FMN2: variants seen among roughly 807,000 people sequenced by gnomAD.
The protein encoded by FMN2 is formin 2.
FMN2 carries 51 observed loss-of-function variants against 142.3 expected under a neutral mutation model. The observed-to-expected ratio is 0.36, with a 90% CI of 0.29 to 0.45. FMN2 has a LOEUF of 0.45. FMN2 is among the 20% of genes least tolerant of loss of function. FMN2 has a pLI of 1.00. For missense variants in FMN2, 1,936 were observed against 2,122.8 expected, an observed-to-expected ratio of 0.91 and a Z score of 1.73; for synonymous variants, 882 against 869.8, an observed-to-expected ratio of 1.01 and a Z score of -0.25.
chr1:240,201,231 A>C (rs1472776012), intron 4 of FMN2, among the ~76,000 whole-genome samples: 1 of 152,200 alleles, frequency 6.6e-6, no homozygotes, highest in Non-Finnish European at 1.5e-5. Flanking sequence ...AACACAGACC[A>C]TCTGTTATTA....
intron 8 of FMN2, among the ~76,000 whole-genome samples, chr1:240,315,022 T>G (rs1174981776): frequency 6.6e-6 from 1 of 152,236 alleles, no homozygotes; most frequent in African/African-American, 2.4e-5. Context: ...GTAATTTTCC[T>G]TGATGGCAGG....
chr1:240,155,330 G>A (rs1663977615), intron 2 of FMN2, among the ~76,000 whole-genome samples: 1 of 152,196 alleles, frequency 6.6e-6, no homozygotes, highest in Non-Finnish European at 1.5e-5. Context: ...CCAGGCTGGA[G>A]TACAGTGGTG....
intron 2 of FMN2, among the ~76,000 whole-genome samples, chr1:240,159,933 T>TATATC (rs1664201654): frequency 1.5e-5 from 1 of 68,786 alleles, no homozygotes; most frequent in Admixed American, 1.5e-4. Context: ...ATATATATAT[T>TATATC]TGTGTATATA....
At chr1:240,413,120 C>CAAAAAAAAAAA (rs35590068) in intron 15 of FMN2, among the ~76,000 whole-genome samples, 20 of 24,580 alleles carry the variant, frequency 8.1e-4, no homozygotes, top group South Asian at 5.7e-3. Context: ...GAGACTCTGT[C>CAAAAAAAAAAA]AAAAAAAAAA....
intron 4 of FMN2, among the ~76,000 whole-genome samples, chr1:240,197,088 T>C (rs1665941162): frequency 6.6e-6 from 1 of 152,120 alleles, no homozygotes; most frequent in Non-Finnish European, 1.5e-5. Flanking sequence ...AGCATAGTAA[T>C]AGGGTTGGGA....
In FMN2 at chr1:240,207,550, C is replaced by A. The variant is rs770059527; in HGVS notation, c.2738C>A (p.Pro913His). The change falls in exon 5 of 18, where the codon CCT becomes CAT. Residue 913 changes from proline to histidine, a missense_variant. Coordinates refer to ENST00000319653, the MANE Select transcript of FMN2 (RefSeq NM_020066.5). ...ACAGAAATGCTGCCACCCCCTCCCCCTCCTCTTCCCGGAGCGGGCATACCT... is the reference window on the plus strand; with the variant it reads ...ACAGAAATGCTGCCACCCCCTCCCCATCCTCTTCCCGGAGCGGGCATACCT... ...QGTEMLPPPPPPLPGAGIPPP... is the reference protein window; with the variant it reads ...QGTEMLPPPPHPLPGAGIPPP... The A allele has an allele frequency of 4.3e-5, 70 of 1,612,788 alleles. 1 individual carries two copies. In the South Asian group the frequency reaches 6.5e-4, roughly 15 times the overall value.
intron 15 of FMN2, among the ~76,000 whole-genome samples, chr1:240,405,987 A>G (rs1444278524): frequency 2.6e-4 from 37 of 143,622 alleles, no homozygotes; most frequent in African/African-American, 6.5e-4. Context: ...GGAGTGGGGG[A>G]AGCGAAGGGA....
At chr1:240,205,456 CTTTTTTTTTTTTTT>C (rs36115091) in intron 4 of FMN2, among the ~76,000 whole-genome samples, 1 of 97,476 alleles carries the variant, frequency 1.0e-5, no homozygotes, top group African/African-American at 4.3e-5. Context: ...ATGCTCTTTC[CTTTTTTTTTTTTTT>C]TTTTTTTTTG....
chr1:240,435,335 A>G (rs1486865616), intron 15 of FMN2, among the ~76,000 whole-genome samples: 1 of 152,006 alleles, frequency 6.6e-6, no homozygotes, highest in African/African-American at 2.4e-5. Context: ...ATTATTGAAT[A>G]ATCAGAATAA....
rs533269757 is a variant in FMN2, at chr1:240,455,313, G to C, written c.5061-17059G>C. Reference sequence around the variant, plus strand: ...TAGTTACTTCAGGCTAGGAGTTCCAGACCAGCCTAGAAAACATCGCAAGAT... The same window carrying C: ...TAGTTACTTCAGGCTAGGAGTTCCACACCAGCCTAGAAAACATCGCAAGAT... On this transcript the variant is annotated intron_variant, in intron 16 of 17. Transcript: ENST00000319653. 1.7e-4 allele frequency among the ~76,000 whole-genome samples: 26 copies of C among 152,142 alleles called. No individual in the cohort carries two copies. The South Asian group carries it at 4.4e-3, about 26-fold the overall frequency.
intron 8 of FMN2, among the ~76,000 whole-genome samples, chr1:240,311,359 C>A (rs1407600873): frequency 6.6e-6 from 1 of 151,894 alleles, no homozygotes; most frequent in African/African-American, 2.4e-5. Context: ...TTAATTGATT[C>A]ATGTTTTAAG....
intron 2 of FMN2, among the ~76,000 whole-genome samples, chr1:240,158,466 GGAAA>G (rs1322235410): frequency 6.6e-6 from 1 of 152,158 alleles, no homozygotes; most frequent in African/African-American, 2.4e-5. Flanking sequence ...TGTATGATTA[GGAAA>G]GAGTCATTTA....
intron 1 of FMN2, among the ~76,000 whole-genome samples, chr1:240,106,088 T>G (rs1460301298): frequency 6.6e-6 from 1 of 152,188 alleles, no homozygotes; most frequent in Non-Finnish European, 1.5e-5. Flanking sequence ...TTATTTAAAA[T>G]ACTTCAAAAG....
At chr1:240,133,684 C>T (rs1303252952) in intron 2 of FMN2, among the ~76,000 whole-genome samples, 1 of 152,144 alleles carries the variant, frequency 6.6e-6, no homozygotes, top group East Asian at 1.9e-4. Flanking sequence ...CTTCTGCTCC[C>T]CACTATTATT....
chr1:240,250,408 A>G (rs1164297913), intron 6 of FMN2, among the ~76,000 whole-genome samples: 1 of 152,142 alleles, frequency 6.6e-6, no homozygotes. Context: ...TTGCATATGT[A>G]CAACCATTTT....
At chr1:240,129,723 G>A (rs920647002) in intron 2 of FMN2, among the ~76,000 whole-genome samples, 5 of 151,828 alleles carry the variant, frequency 3.3e-5, no homozygotes, top group African/African-American at 9.7e-5. Flanking sequence ...AGCTGGTCTC[G>A]AACTCCTGAC....
At chr1:240,366,563 G>T (rs1672676139) in intron 14 of FMN2, among the ~76,000 whole-genome samples, 7 of 147,564 alleles carry the variant, frequency 4.7e-5, no homozygotes, top group Admixed American at 4.1e-4. Flanking sequence ...ATTTGAGATG[G>T]AGTTTCGCTC....
intron 14 of FMN2, among the ~76,000 whole-genome samples, chr1:240,372,146 G>C (rs1472283787): frequency 6.6e-6 from 1 of 152,128 alleles, no homozygotes; most frequent in Non-Finnish European, 1.5e-5. Flanking sequence ...TGAGGTAGAA[G>C]AATTGCTTGA....
intron 7 of FMN2, among the ~76,000 whole-genome samples, chr1:240,280,672 G>A (rs1669364546): frequency 6.6e-6 from 1 of 152,130 alleles, no homozygotes; most frequent in African/African-American, 2.4e-5. Flanking sequence ...TCAACAGACA[G>A]TGGATGTTTT....
Sources: gnomAD v4.1 joint callset for allele counts (sites outside exome capture counted in the v4.1 genomes callset) on GRCh38, gnomAD v4.1.1 for gene constraint, MANE v1.5 for transcripts, NCBI Gene and HGNC (gene_info 2026-07-23, HGNC 2026-07-21) for gene names.